The following C2CD5 variants were observed in gnomAD, a reference collection of about 807,000 sequenced individuals.
C2CD5 encodes C2 calcium dependent domain containing 5.
In C2CD5, 109 loss-of-function variants were observed where a neutral mutation model predicts 130.3. That is an observed-to-expected ratio of 0.84 (90% CI 0.72 to 0.98). C2CD5 has a LOEUF of 0.98. Ranked by LOEUF, C2CD5 falls within the 50% of genes least tolerant of loss-of-function variation. The probability of loss-of-function intolerance (pLI) is 0.00; values close to 1 mark genes in which losing one functional copy is unlikely to be tolerated. For missense variants in C2CD5, 996 were observed against 1,261.8 expected, an observed-to-expected ratio of 0.79 and a Z score of 3.19; for synonymous variants, 454 against 429.2, an observed-to-expected ratio of 1.06 and a Z score of -0.71.
intron 9 of C2CD5, 42 bp downstream of exon 9, chr12:22,513,252 A>C (rs1299416332): frequency 6.1e-6 from 8 of 1,311,536 alleles, no homozygotes; most frequent in Non-Finnish European, 7.7e-6. Flanking sequence ...TAACAAAGTC[A>C]TATTAACAGT....
intron 14 of C2CD5, 23 bp from the exon 15 acceptor site, chr12:22,478,500 T>A (rs1243331301): frequency 6.3e-7 from 1 of 1,597,000 alleles, no homozygotes; most frequent in South Asian, 1.1e-5. Context: ...AATGGGGAAA[T>A]AATCAGAAAA....
At chr12:22,474,676 TATTA>T (rs1442388008) in intron 16 of C2CD5, 71 bp downstream of exon 16, 2 of 1,053,518 alleles carry the variant, frequency 1.9e-6, no homozygotes, top group Non-Finnish European at 2.7e-6. Context: ...AAAAGTATCA[TATTA>T]ATTTAGCACG....
chr12:22,520,237 C>G (rs1249581330), intron 7 of C2CD5, among the ~76,000 whole-genome samples: 1 of 152,144 alleles, frequency 6.6e-6, no homozygotes, highest in African/African-American at 2.4e-5. Flanking sequence ...TGTGAGTACA[C>G]TCTGAAAAAC....
At chr12:22,494,745 G>C (rs1946795400) in intron 10 of C2CD5, among the ~76,000 whole-genome samples, 1 of 152,024 alleles carries the variant, frequency 6.6e-6, no homozygotes, top group Non-Finnish European at 1.5e-5. Flanking sequence ...CTACAATATG[G>C]TATTAGCAAT....
intron 26 of C2CD5, among the ~76,000 whole-genome samples, chr12:22,453,148 C>T (rs1200632306): frequency 6.6e-6 from 1 of 152,176 alleles, no homozygotes; most frequent in Admixed American, 6.6e-5. Context: ...TATATTAGAG[C>T]TTCTTAAGCT....
intron 12 of C2CD5, among the ~76,000 whole-genome samples, chr12:22,485,403 G>A (rs1239648265): frequency 2.0e-5 from 3 of 151,488 alleles, no homozygotes; most frequent in Non-Finnish European, 4.4e-5. Flanking sequence ...AGCACAACAA[G>A]GTGACTATAA....
chr12:22,482,013 G>A (rs1944799008), intron 14 of C2CD5, among the ~76,000 whole-genome samples: 1 of 151,994 alleles, frequency 6.6e-6, no homozygotes, highest in South Asian at 2.1e-4. Context: ...CTGTCCAATA[G>A]TGTCTCACAT....
chr12:22,533,902 G>C (rs945653342), intron 3 of C2CD5, among the ~76,000 whole-genome samples: 3 of 152,182 alleles, frequency 2.0e-5, no homozygotes, highest in Non-Finnish European at 1.5e-5. Context: ...GAATGAAGTT[G>C]GGGCCACGTG....
At chr12:22,524,355 T>C (rs1950552422) in intron 6 of C2CD5, 117 bp downstream of exon 6, 1 of 772,596 alleles carries the variant, frequency 1.3e-6, no homozygotes, top group East Asian at 2.7e-5. Context: ...GGGGAAGGCA[T>C]GCAGTCACTT....
chr12:22,493,060 C>A (rs1282921060), intron 11 of C2CD5, among the ~76,000 whole-genome samples, 163 bp downstream of exon 11: 1 of 152,168 alleles, frequency 6.6e-6, no homozygotes, highest in Non-Finnish European at 1.5e-5. Flanking sequence ...TACACAGTCA[C>A]TAACTGGCAA....
intron 9 of C2CD5, among the ~76,000 whole-genome samples, chr12:22,509,174 A>G (rs7958242): frequency 0.16 from 24,214 of 152,166 alleles, 3,835 homozygotes; most frequent in African/African-American, 0.41. Context: ...CACCGCGCCC[A>G]GCCTTAAATC....
chr12:22,503,885 C>T (rs998004799), intron 10 of C2CD5, among the ~76,000 whole-genome samples: 3 of 152,074 alleles, frequency 2.0e-5, no homozygotes, highest in Non-Finnish European at 4.4e-5. Context: ...AAAAATAAAA[C>T]AAAATGAAAA....
Position 22,449,570 on chromosome 12 carries a change from T to C in C2CD5, c.*190A>G, listed in dbSNP as rs2135907668. The C allele has an allele frequency of 1.9e-6, 1 of 523,278 alleles. No individual in the cohort carries two copies. The highest frequency in any genetic ancestry group is 3.4e-6 in the Non-Finnish European group (1 of 292,530). 32.4% of individuals were successfully genotyped at this position (523,278 alleles called of 1,614,324 possible). A position where few individuals can be genotyped will look rare whatever the true frequency, so the allele number is the denominator to read the frequency against. On this transcript the variant is annotated 3_prime_UTR_variant, in exon 27 of 27. Transcript: ENST00000446597. ...AAGGGTCAAGACCCCACAGGGCCTG[T>C]CTAGAACAGGCAAACAAAATGTCAA... is the stretch of plus-strand genomic sequence containing the variant.
chr12:22,460,512 T>C (rs1940902541), intron 22 of C2CD5: 1 of 152,178 alleles, frequency 6.6e-6, no homozygotes, highest in South Asian at 2.1e-4. Flanking sequence ...TTGTACAGAA[T>C]GTTTCTACCA....
At chr12:22,519,213 T>C in intron 7 of C2CD5, 1 of 1,535,946 alleles carries the variant, frequency 6.5e-7, no homozygotes, top group Non-Finnish European at 8.7e-7. Context: ...GCGGCATCCA[T>C]GGCTTGGAGG....
At chr12:22,471,516 C>T in intron 19 of C2CD5, 28 bp from the exon 20 acceptor site, 1 of 1,279,966 alleles carries the variant, frequency 7.8e-7, no homozygotes, top group Non-Finnish European at 1.1e-6. Context: ...TTAGTAATGT[C>T]ACTTTTTTAT....
At chr12:22,456,396 T>C (rs1330769798) in intron 25 of C2CD5, among the ~76,000 whole-genome samples, 1 of 152,202 alleles carries the variant, frequency 6.6e-6, no homozygotes. Context: ...TATAACAGGC[T>C]GACTCTGATT....
intron 8 of C2CD5, among the ~76,000 whole-genome samples, chr12:22,515,905 TA>T (rs1304122404): frequency 6.6e-6 from 1 of 151,928 alleles, no homozygotes; most frequent in East Asian, 1.9e-4. Flanking sequence ...CTAGTAAATC[TA>T]AAATTCCACT....
chr12:22,489,660 G>T (rs1187421938), intron 12 of C2CD5, among the ~76,000 whole-genome samples: 1 of 151,970 alleles, frequency 6.6e-6, no homozygotes, highest in Non-Finnish European at 1.5e-5. Context: ...AATTCCCTAT[G>T]GACACGGAAG....
Sources: gnomAD v4.1 joint callset for allele counts (sites outside exome capture counted in the v4.1 genomes callset) on GRCh38, gnomAD v4.1.1 for gene constraint, MANE v1.5 for transcripts, NCBI Gene and HGNC (gene_info 2026-07-23, HGNC 2026-07-21) for gene names.